The following DNAJB11 variants were observed in gnomAD, a reference collection of about 807,000 sequenced individuals.
DNAJB11 encodes DnaJ heat shock protein family (Hsp40) member B11.
A neutral mutation model predicts 47.2 loss-of-function variants in DNAJB11; 30 were observed. The ratio of observed to expected loss-of-function variants is 0.64; its 90% CI spans 0.48 to 0.86. DNAJB11 has a LOEUF of 0.86. Ranked by LOEUF, DNAJB11 falls within the 40% of genes least tolerant of loss-of-function variation. The pLI, the probability that DNAJB11 is intolerant of heterozygous loss-of-function variation, is 0.00. For missense variants in DNAJB11, 357 were observed against 440.2 expected (o/e 0.81, Z 1.69); for synonymous variants, 151 against 159.9 (o/e 0.94, Z 0.42).
In DNAJB11 at chr3:186,570,833, G is replaced by A; in HGVS notation, c.-65G>A. On this transcript the variant is annotated 5_prime_UTR_variant, in exon 1 of 10. Transcript: ENST00000265028. ...GCCTCACAGGGCCGGGTGGGCTGGCGAGCCGACGCGGCGGCGGAGGAGGCT... is the reference window on the plus strand; with the variant it reads ...GCCTCACAGGGCCGGGTGGGCTGGCAAGCCGACGCGGCGGCGGAGGAGGCT... 6.6e-7 allele frequency: 1 copy of A among 1,514,536 alleles called. No homozygotes were observed. Among genetic ancestry groups the A allele is most frequent in the South Asian group, 1.2e-5 (1 of 82,586 alleles). 93.8% of individuals were successfully genotyped at this position (1,514,536 alleles called of 1,614,324 possible).
At position 186,585,405 on chromosome 3, in the gene DNAJB11, T is replaced by C. The variant is rs1345698363; in HGVS notation, c.1074T>C (p.Tyr358=). The change falls in exon 10 of 10, where the codon TAT becomes TAC. Residue 358 remains tyrosine, a synonymous_variant. Transcript: ENST00000265028. ...VQKVYNGLQG[Y] is the part of the protein sequence containing the mutation. ...AGGTATACAATGGACTGCAAGGATATTGAGAGTGAATAAAATTGGACTTTG... is the reference window on the plus strand; with the variant it reads ...AGGTATACAATGGACTGCAAGGATACTGAGAGTGAATAAAATTGGACTTTG... 6.2e-7 allele frequency: 1 copy of C among 1,606,332 alleles called. No homozygotes were observed. Among genetic ancestry groups the C allele is most frequent in the Non-Finnish European group, 8.5e-7 (1 of 1,176,372 alleles).
chr3:186,577,900 T>C, intron 4 of DNAJB11, 100 bp downstream of exon 4: 2 of 1,008,982 alleles, frequency 2.0e-6, no homozygotes, highest in Non-Finnish European at 1.4e-6. Context: ...TTTTTGAGGG[T>C]AAGAGAGAGT....
Position 186,570,942 on chromosome 3 carries a change from C to G in DNAJB11, c.45C>G (p.Tyr15Ter). 1 of 1,599,974 alleles carries G rather than the reference C, an allele frequency of 6.3e-7. No individual in the cohort carries two copies. Among genetic ancestry groups the G allele is most frequent in the Non-Finnish European group, 8.5e-7 (1 of 1,173,480 alleles). Residue 15 changes from tyrosine to a stop codon, truncating the protein, a stop_gained, in exon 1 of 10, where the codon TAC becomes TAG. Coordinates refer to ENST00000265028, the MANE Select transcript of DNAJB11 (RefSeq NM_016306.6). LOFTEE classifies it high-confidence loss of function. ...NLSTFCLLLL[Y>*]LIGAVIAGRD... ...GCACCTTTTGCCTGTTGCTGCTATACCTCATCGGGGCGGTGATTGCCGGGT... is the reference window on the plus strand; with the variant it reads ...GCACCTTTTGCCTGTTGCTGCTATAGCTCATCGGGGCGGTGATTGCCGGGT...
At chr3:186,582,850 C>A in intron 7 of DNAJB11, 77 bp downstream of exon 7, 2 of 1,040,986 alleles carry the variant, frequency 1.9e-6, no homozygotes, top group Non-Finnish European at 2.9e-6. Flanking sequence ...AGCAGTTAGA[C>A]TTTTTTCTCT....
chr3:186,570,877 A>G lies in DNAJB11; in HGVS notation c.-21A>G, dbSNP rs1715017309. On this transcript the variant is annotated 5_prime_UTR_variant, in exon 1 of 10. Coordinates refer to ENST00000265028, the MANE Select transcript of DNAJB11 (RefSeq NM_016306.6). The stretch of plus-strand genomic sequence containing the variant: ...GGAGGCTGTGAGGAGTGTGTGGAAC[A>G]GGACCCGGGACAGAGGAACCATGGC... The G allele has an allele frequency of 6.3e-7, 1 of 1,599,730 alleles. No homozygotes were observed. The highest frequency in any genetic ancestry group is 8.5e-7 in the Non-Finnish European group (1 of 1,172,974).
Position 186,584,581 on chromosome 3 carries a change from C to G in DNAJB11, c.1004C>G (p.Ala335Gly), listed in dbSNP as rs147430546. 15 of 1,395,000 alleles carry G rather than the reference C, an allele frequency of 1.1e-5. No individual in the cohort carries two copies. Among genetic ancestry groups the G allele is most frequent in the Middle Eastern group, 1.9e-4 (1 of 5,266 alleles). 86.4% of individuals were successfully genotyped at this position (1,395,000 alleles called of 1,614,324 possible). ...DFPKEQLTEE[A>G]REGIKQLLKQ... ...CCAAAAGAACAGTTAACAGAGGAAG[C>G]GAGAGAAGGTATGGCATATTAGTGT... Residue 335 changes from alanine to glycine, a missense_variant, in exon 9 of 10, where the codon GCG becomes GGG. By Grantham distance (60) the Ala-to-Gly change is moderately conservative. Coordinates refer to ENST00000265028, the MANE Select transcript of DNAJB11 (RefSeq NM_016306.6).
intron 8 of DNAJB11, 104 bp from the exon 9 acceptor site, chr3:186,584,326 G>A (rs1715596117): frequency 8.7e-7 from 1 of 1,153,872 alleles, no homozygotes; most frequent in Non-Finnish European, 1.2e-6. Context: ...CTTTCTTTTT[G>A]CTGAGCTGTG....
intron 2 of DNAJB11, among the ~76,000 whole-genome samples, chr3:186,575,356 C>CGCGCGCGT (rs1553850124): frequency 0.019 from 1,151 of 59,814 alleles, 12 homozygotes; most frequent in African/African-American, 0.081. Flanking sequence ...CTAATACATG[C>CGCGCGCGT]GCGCGCGCGC....
At position 186,582,092 on chromosome 3, in the gene DNAJB11, T is replaced by C. The variant is rs199675514; in HGVS notation, c.682+15T>C. On this transcript the variant is annotated intron_variant, in intron 6 of 9. Transcript: ENST00000265028. ...TATTGGAGAAGGTGAAATATTGATA[T>C]TTGATTTTTTGATTGTGATAACTTT... 6 of 1,591,324 alleles carry C rather than the reference T, an allele frequency of 3.8e-6. No individual in the cohort carries two copies. Among genetic ancestry groups the C allele is most frequent in the Non-Finnish European group, 5.2e-6 (6 of 1,160,272 alleles).
rs755041560 is a variant in DNAJB11, at chr3:186,584,601, T to TTGTGTGTGTGTGTGTGTG, written c.1012+12_1012+13insTGTGTGTGTGTGTGTGTG. 1.3e-5 allele frequency: 5 copies of TTGTGTGTGTGTGTGTGTG among 374,060 alleles called. No individual in the cohort carries two copies. The highest frequency in any genetic ancestry group is 1.9e-5 in the Non-Finnish European group (5 of 268,192). The allele number at this position is 374,060 out of a possible 1,614,324, so 23.2% of individuals were successfully genotyped here. On this transcript the variant is annotated intron_variant, in intron 9 of 9. Transcript: ENST00000265028. ...GGAAGCGAGAGAAGGTATGGCATAT[T>TTGTGTGTGTGTGTGTGTG]AGTGTGTGTGTGTGTGTGTGTTTGT...
chr3:186,585,246 TA>T, intron 9 of DNAJB11, 97 bp from the exon 10 acceptor site: 2 of 900,992 alleles, frequency 2.2e-6, no homozygotes, highest in Non-Finnish European at 3.5e-6. Context: ...ATGTTTGTCA[TA>T]AGGCCTTTTA....
chr3:186,579,943 G>C (rs1715425202), intron 4 of DNAJB11: 1 of 152,238 alleles, frequency 6.6e-6, no homozygotes, highest in African/African-American at 2.4e-5. Flanking sequence ...TTGACAAGAA[G>C]CGTATTCTTC....
At chr3:186,582,332 G>T (rs1715514731) in intron 6 of DNAJB11, among the ~76,000 whole-genome samples, 1 of 152,082 alleles carries the variant, frequency 6.6e-6, no homozygotes, top group Non-Finnish European at 1.5e-5. Flanking sequence ...AAAATTTAGG[G>T]TGTTCAGACC....
chr3:186,570,992 G>T, intron 1 of DNAJB11, 27 bp downstream of exon 1: 1 of 1,537,592 alleles, frequency 6.5e-7, no homozygotes. Flanking sequence ...CGCAGACAAC[G>T]GGGCCTGTGG....
At position 186,581,416 on chromosome 3, in the gene DNAJB11, A is replaced by G; in HGVS notation, c.502A>G (p.Lys168Glu). 1 of 1,613,912 alleles carries G rather than the reference A, an allele frequency of 6.2e-7. No individual in the cohort carries two copies. The highest frequency in any genetic ancestry group is 8.5e-7 in the Non-Finnish European group (1 of 1,179,976). The change falls in exon 5 of 10, where the codon AAG becomes GAG. Residue 168 changes from lysine (K) to glutamate (E), a missense_variant. Transcript: ENST00000265028. ...GGCAAGGCAGGCTCCTGGCAAACGG[A>G]AGTGCAATTGTCGGCAAGAGATGCG... Reference protein sequence around the residue: ...PVARQAPGKRKCNCRQEMRTT... With the variant: ...PVARQAPGKRECNCRQEMRTT...
chr3:186,583,793 TCCAAGAA>T, intron 7 of DNAJB11, 65 bp from the exon 8 acceptor site: 1 of 1,136,258 alleles, frequency 8.8e-7, no homozygotes, highest in Admixed American at 1.7e-5. Flanking sequence ...TTCACCTTTT[TCCAAGAA>T]TTTTCTAACA....
chr3:186,582,178 A>G, intron 6 of DNAJB11, 101 bp downstream of exon 6: 1 of 874,194 alleles, frequency 1.1e-6, no homozygotes, highest in Non-Finnish European at 1.8e-6. Context: ...TAATGTTCAC[A>G]TAGTAAACGC....
chr3:186,582,166 C>A, intron 6 of DNAJB11, 89 bp downstream of exon 6: 1 of 975,870 alleles, frequency 1.0e-6, no homozygotes, highest in Non-Finnish European at 1.6e-6. Context: ...CTTACTCCAT[C>A]TTAATGTTCA....
Position 186,575,820 on chromosome 3 carries a change from C to T in DNAJB11, c.226-20C>T. On this transcript the variant is annotated intron_variant, in intron 2 of 9. Transcript: ENST00000265028. ...TATTACCAACTCATGATCTTTTCCT[C>T]CACTGGCTTTTATCCCCAGGTTCTG... 3 of 1,586,962 alleles carry T rather than the reference C, an allele frequency of 1.9e-6. No homozygotes were observed. The highest frequency in any genetic ancestry group is 2.2e-5 in the South Asian group (2 of 90,414).
Sources: gnomAD v4.1 joint callset for allele counts (sites outside exome capture counted in the v4.1 genomes callset) on GRCh38, gnomAD v4.1.1 for gene constraint, MANE v1.5 for transcripts, NCBI Gene and HGNC (gene_info 2026-07-23, HGNC 2026-07-21) for gene names.